LMOD1: variants seen among roughly 807,000 people sequenced by gnomAD.
LMOD1 encodes leiomodin 1, also known as leiomodin-1.
In LMOD1, 8 loss-of-function variants were observed where a neutral mutation model predicts 36.5. The ratio of observed to expected loss-of-function variants is 0.22; its 90% CI spans 0.13 to 0.40. LMOD1 has a LOEUF of 0.40. Among genes scored for constraint, LMOD1 ranks in the 10% least tolerant of loss-of-function variants. The pLI is 1.00. For synonymous variants in LMOD1, 284 were observed against 288.7 expected (o/e 0.98, Z 0.17); for missense variants, 630 against 751.1 (o/e 0.84, Z 1.88).
rs565515370 is a variant in LMOD1, at chr1:201,915,119, T to C, written c.262-14368A>G. On this transcript the variant is annotated intron_variant, in intron 1 of 2. Transcript: ENST00000367288. ...TATTGCTCAAACTGCGTGGGAAGCA[T>C]CTGGCGCTATTGGCCAGGTCCTTCC... Among the ~76,000 whole-genome samples the C allele has an allele frequency of 5.9e-5, 9 of 152,318 alleles. No homozygotes were observed. In the South Asian group the frequency reaches 1.9e-3, roughly 32 times the overall value.
At chr1:201,923,820 G>A (rs57893250) in intron 1 of LMOD1, among the ~76,000 whole-genome samples, 11 of 151,510 alleles carry the variant, frequency 7.3e-5, no homozygotes, top group African/African-American at 9.7e-5. Context: ...AGCTGTGATC[G>A]TGCCACTGTA....
In LMOD1 at chr1:201,946,256, T is replaced by G. The variant is rs1386825949; in HGVS notation, c.85A>C (p.Met29Leu). 18 of 1,613,658 alleles carry G rather than the reference T, an allele frequency of 1.1e-5. No homozygotes were observed. The highest frequency in any genetic ancestry group is 1.4e-5 in the Non-Finnish European group (17 of 1,179,846). Residue 29 changes from methionine (M) to leucine (L), a missense_variant, in exon 1 of 3, where the codon ATG becomes CTG. Around this residue, in one of 3 missense-constraint regions of LMOD1, gnomAD observed 405 missense variants for 400.6 expected, o/e 1.01. Coordinates refer to ENST00000367288, the MANE Select transcript of LMOD1 (RefSeq NM_012134.3). Reference sequence around the variant, plus strand: ...TCCAGCTCCTTCTCCAGCTCCTCCATCTCCTCGGGAGACAGGGTCTCCAGC... The same window carrying G: ...TCCAGCTCCTTCTCCAGCTCCTCCAGCTCCTCGGGAGACAGGGTCTCCAGC... Reference protein sequence around the residue: ...SLLETLSPEEMEELEKELDVV... With the variant: ...SLLETLSPEELEELEKELDVV...
chr1:201,927,833 T>C (rs1294466985), intron 1 of LMOD1, among the ~76,000 whole-genome samples: 1 of 152,160 alleles, frequency 6.6e-6, no homozygotes, highest in Non-Finnish European at 1.5e-5. Context: ...TTCTTCCCTA[T>C]GAATTCAGAA....
intron 1 of LMOD1, among the ~76,000 whole-genome samples, chr1:201,907,985 C>A (rs1681438618): frequency 6.6e-6 from 1 of 152,146 alleles, no homozygotes; most frequent in Admixed American, 6.5e-5. Flanking sequence ...GCATGCCCCC[C>A]ACCATAGAGC....
At chr1:201,944,488 A>G (rs1654807212) in intron 1 of LMOD1, among the ~76,000 whole-genome samples, 1 of 152,186 alleles carries the variant, frequency 6.6e-6, no homozygotes, top group Non-Finnish European at 1.5e-5. Flanking sequence ...AGGGTGCCAA[A>G]GCCTTTGGCT....
At chr1:201,905,467 A>G (rs534242910) in intron 1 of LMOD1, among the ~76,000 whole-genome samples, 1 of 152,364 alleles carries the variant, frequency 6.6e-6, no homozygotes, top group East Asian at 1.9e-4. Context: ...ATCTGATTAA[A>G]CAGAGGAGAG....
At chr1:201,933,730 C>T (rs536014195) in intron 1 of LMOD1, among the ~76,000 whole-genome samples, 21 of 151,020 alleles carry the variant, frequency 1.4e-4, no homozygotes, top group African/African-American at 4.9e-4. Flanking sequence ...GTTTCTTGTT[C>T]ATTTTGTGAT....
At chr1:201,926,623 A>G (rs1019808497) in intron 1 of LMOD1, among the ~76,000 whole-genome samples, 1 of 152,248 alleles carries the variant, frequency 6.6e-6, no homozygotes, top group African/African-American at 2.4e-5. Context: ...AAGCAAAAAT[A>G]TAAATAAATA....
At chr1:201,903,326 C>T (rs978181172) in intron 1 of LMOD1, among the ~76,000 whole-genome samples, 2 of 152,212 alleles carry the variant, frequency 1.3e-5, no homozygotes, top group Non-Finnish European at 1.5e-5. Flanking sequence ...TGGAATGTAT[C>T]TGTTCTAGCC....
intron 1 of LMOD1, among the ~76,000 whole-genome samples, chr1:201,928,680 C>T (rs185364651): frequency 1.3e-5 from 2 of 152,306 alleles, no homozygotes; most frequent in East Asian, 3.9e-4. Context: ...AGCTAAAGGC[C>T]TTATCTGGGT....
intron 1 of LMOD1, among the ~76,000 whole-genome samples, chr1:201,928,256 G>A (rs775044752): frequency 1.6e-4 from 25 of 152,152 alleles, no homozygotes; most frequent in Non-Finnish European, 2.4e-4. Flanking sequence ...GGGGAATTGA[G>A]GATATAGTCT....
intron 1 of LMOD1, among the ~76,000 whole-genome samples, chr1:201,901,941 T>A (rs1300572889): frequency 7.1e-6 from 1 of 141,208 alleles, no homozygotes; most frequent in Non-Finnish European, 1.5e-5. Flanking sequence ...TGTAAATTAT[T>A]ATCATTATTA....
At chr1:201,937,948 C>A (rs1682043428) in intron 1 of LMOD1, among the ~76,000 whole-genome samples, 1 of 152,056 alleles carries the variant, frequency 6.6e-6, no homozygotes, top group African/African-American at 2.4e-5. Context: ...TTCATGAATT[C>A]TGTGTATAAA....
At chr1:201,924,800 G>A (rs1292682763) in intron 1 of LMOD1, among the ~76,000 whole-genome samples, 1 of 152,146 alleles carries the variant, frequency 6.6e-6, no homozygotes, top group Non-Finnish European at 1.5e-5. Context: ...TGAGGCCGGA[G>A]GATGAAGCCA....
At chr1:201,931,788 G>A (rs1408301612) in intron 1 of LMOD1, among the ~76,000 whole-genome samples, 1 of 151,874 alleles carries the variant, frequency 6.6e-6, no homozygotes, top group Non-Finnish European at 1.5e-5. Flanking sequence ...TGTAATCCCA[G>A]CACTTTGGGA....
At chr1:201,944,884 C>A (rs1253284755) in intron 1 of LMOD1, among the ~76,000 whole-genome samples, 1 of 152,156 alleles carries the variant, frequency 6.6e-6, no homozygotes, top group African/African-American at 2.4e-5. Flanking sequence ...CAATTTCATA[C>A]CCAGCCAGTC....
chr1:201,918,438 T>G (rs1681644954), intron 1 of LMOD1, among the ~76,000 whole-genome samples: 1 of 152,212 alleles, frequency 6.6e-6, no homozygotes, highest in Non-Finnish European at 1.5e-5. Context: ...GTGCAGACTT[T>G]GTAGCATGGC....
At chr1:201,942,919 A>G (rs1397152228) in intron 1 of LMOD1, among the ~76,000 whole-genome samples, 1 of 152,208 alleles carries the variant, frequency 6.6e-6, no homozygotes, top group Non-Finnish European at 1.5e-5. Flanking sequence ...TTTAAAAAGT[A>G]TATCTGCAAT....
At chr1:201,925,276 G>A (rs1482385851) in intron 1 of LMOD1, among the ~76,000 whole-genome samples, 1 of 151,822 alleles carries the variant, frequency 6.6e-6, no homozygotes, top group Non-Finnish European at 1.5e-5. Flanking sequence ...CTAAGCCTCA[G>A]ATTCTTCACC....
Sources: gnomAD v4.1 joint callset for allele counts (sites outside exome capture counted in the v4.1 genomes callset) on GRCh38, gnomAD v4.1.1 for gene constraint, gnomAD v4.1.1 regional missense constraint, MANE v1.5 for transcripts, NCBI Gene and HGNC (gene_info 2026-07-23, HGNC 2026-07-21) for gene names.